TMEM114: variants seen among roughly 807,000 people sequenced by gnomAD.
TMEM114 encodes the protein transmembrane protein 114.
A neutral mutation model predicts 6.2 loss-of-function variants in TMEM114; 6 were observed. The ratio of observed to expected loss-of-function variants is 0.97; its 90% CI spans 0.53 to 1.91. The LOEUF is 1.91. TMEM114 is among the 40% of genes most tolerant of loss of function. The probability of loss-of-function intolerance (pLI) is 0.01; values close to 1 mark genes in which losing one functional copy is unlikely to be tolerated. For synonymous variants in TMEM114, 104 were observed against 73.0 expected (o/e 1.42, Z -2.16); for missense variants, 218 against 158.3 (o/e 1.38, Z -2.02).
At chr16:8,550,115 C>T (rs1242796064) in intron 2 of TMEM114, among the ~76,000 whole-genome samples, 1 of 152,168 alleles carries the variant, frequency 6.6e-6, no homozygotes, top group African/African-American at 2.4e-5. Context: ...AGATGAAGGC[C>T]AGAAGACTCA....
intron 3 of TMEM114, 99 bp downstream of exon 3, chr16:8,571,988 G>A (rs1043577465): frequency 1.6e-5 from 22 of 1,366,248 alleles, no homozygotes; most frequent in Admixed American, 6.3e-5. Flanking sequence ...AACCCCACGA[G>A]GCCCTGGGAT....
At chr16:8,567,729 C>T (rs1362403346), downstream of TMEM114, among the ~76,000 whole-genome samples, 1 of 152,176 alleles carries the variant, frequency 6.6e-6, no homozygotes, top group Non-Finnish European at 1.5e-5. Context: ...TAATCCAGCA[C>T]TTGGGCGCTA....
intron 2 of TMEM114, among the ~76,000 whole-genome samples, chr16:8,574,190 A>T (rs1428829393): frequency 6.6e-6 from 1 of 152,154 alleles, no homozygotes; most frequent in Non-Finnish European, 1.5e-5. Flanking sequence ...TGGGCATGTC[A>T]TTTAATTACT....
At position 8,569,973 on chromosome 16, in the gene TMEM114, T is replaced by C; in HGVS notation, c.472A>G (p.Ile158Val). The C allele has an allele frequency of 6.4e-7, 1 of 1,550,796 alleles. No homozygotes were observed. The highest frequency in any genetic ancestry group is 8.7e-7 in the Non-Finnish European group (1 of 1,146,852). ...CGGAAGGCGGCGGCTGAATACGCTA[T>C]GTAGACGCTGATCCCAGCGAGGGTC... is the stretch of plus-strand genomic sequence containing the variant. ...MVTLAGISVY[I>V]AYSAAAFREA... The change falls in exon 4 of 4, where the codon ATA (isoleucine) becomes GTA (valine). Residue 158 changes from isoleucine to valine, a missense_variant. Transcript: ENST00000620492.
At chr16:8,566,520 G>C (rs1049339158), downstream of TMEM114, among the ~76,000 whole-genome samples, 2 of 144,268 alleles carry the variant, frequency 1.4e-5, no homozygotes, top group Non-Finnish European at 3.1e-5. Flanking sequence ...ACAACAGAAT[G>C]GATCAGAATA....
At chr16:8,548,694 G>GTGTATATATATATATATATA (rs1555461967) in intron 2 of TMEM114, among the ~76,000 whole-genome samples, 20 of 139,896 alleles carry the variant, frequency 1.4e-4, no homozygotes, top group Non-Finnish European at 2.6e-4. Context: ...AAATTGCCAT[G>GTGTATATATATATATATATA]TATATATATA....
At chr16:8,561,170 A>G (rs975426944) in intron 2 of TMEM114, among the ~76,000 whole-genome samples, 1 of 152,234 alleles carries the variant, frequency 6.6e-6, no homozygotes, top group African/African-American at 2.4e-5. Flanking sequence ...CAGCCAAACC[A>G]TAACACTGGG....
intron 2 of TMEM114, among the ~76,000 whole-genome samples, chr16:8,549,533 A>G (rs1900778398): frequency 6.6e-6 from 1 of 152,088 alleles, no homozygotes; most frequent in Non-Finnish European, 1.5e-5. Context: ...CATGATCTCA[A>G]AGTGAGATCT....
At chr16:8,548,159 C>T (rs926436287) in intron 2 of TMEM114, among the ~76,000 whole-genome samples, 3 of 152,152 alleles carry the variant, frequency 2.0e-5, no homozygotes, top group Non-Finnish European at 4.4e-5. Context: ...TCTAAGCTCC[C>T]GCCCCTATTA....
chr16:8,559,683 A>C (rs1484795040), intron 2 of TMEM114, among the ~76,000 whole-genome samples: 2 of 152,220 alleles, frequency 1.3e-5, no homozygotes, highest in Non-Finnish European at 2.9e-5. Context: ...AATGTGGGAC[A>C]GACGTCGATG....
the TMEM114 span, among the ~76,000 whole-genome samples, chr16:8,529,399 G>A: frequency 3.3e-5 from 5 of 152,282 alleles, no homozygotes; most frequent in African/African-American, 9.6e-5. Context: ...CTTCCTTGTC[G>A]CTGGAAGCAG....
intron 2 of TMEM114, among the ~76,000 whole-genome samples, chr16:8,576,571 C>G (rs1218395517): frequency 6.6e-6 from 1 of 152,200 alleles, no homozygotes; most frequent in Non-Finnish European, 1.5e-5. Flanking sequence ...CAAAGGCCAG[C>G]AGGACCTGGA....
chr16:8,586,587 G>T (rs1902329987), intron 2 of TMEM114, among the ~76,000 whole-genome samples: 1 of 151,346 alleles, frequency 6.6e-6, no homozygotes, highest in South Asian at 2.1e-4. Context: ...TCAGCTCACT[G>T]CAACCTCTGC....
chr16:8,586,914 C>T (rs974989077), intron 2 of TMEM114, among the ~76,000 whole-genome samples: 1 of 152,226 alleles, frequency 6.6e-6, no homozygotes, highest in Admixed American at 6.5e-5. Context: ...CTTTCCTCAA[C>T]TCCCACACAT....
At chr16:8,588,712 T>C (rs1256295561) in intron 2 of TMEM114, among the ~76,000 whole-genome samples, 3 of 152,194 alleles carry the variant, frequency 2.0e-5, no homozygotes, top group East Asian at 3.9e-4. Flanking sequence ...CATATATTTA[T>C]ATGCAAATTT....
chr16:8,578,087 T>C (rs972582353), intron 2 of TMEM114, among the ~76,000 whole-genome samples: 1 of 152,036 alleles, frequency 6.6e-6, no homozygotes, highest in Admixed American at 6.6e-5. Context: ...GGCTGTGACG[T>C]GTCACAGAGG....
At chr16:8,542,633 G>C (rs1900548772) in intron 2 of TMEM114, among the ~76,000 whole-genome samples, 1 of 152,134 alleles carries the variant, frequency 6.6e-6, no homozygotes, top group Non-Finnish European at 1.5e-5. Flanking sequence ...GGTGGGGGAG[G>C]CCAGCAACAG....
At chr16:8,545,204 A>G (rs1476142398) in intron 2 of TMEM114, among the ~76,000 whole-genome samples, 2 of 152,074 alleles carry the variant, frequency 1.3e-5, no homozygotes, top group Middle Eastern at 3.2e-3. Context: ...TTGGGAGGCC[A>G]AGGTGGGAAG....
At chr16:8,580,773 C>A (rs1454475897) in intron 2 of TMEM114, among the ~76,000 whole-genome samples, 1 of 152,150 alleles carries the variant, frequency 6.6e-6, no homozygotes, top group Non-Finnish European at 1.5e-5. Context: ...CTCACTGCAA[C>A]CTCCATTTCC....
Sources: gnomAD v4.1 joint callset for allele counts (sites outside exome capture counted in the v4.1 genomes callset) on GRCh38, gnomAD v4.1.1 for gene constraint, MANE v1.5 for transcripts, NCBI Gene and HGNC (gene_info 2026-07-23, HGNC 2026-07-21) for gene names.